SIAH3: variants seen among roughly 807,000 people sequenced by gnomAD.
SIAH3 encodes the protein seven in absentia homolog 3.
In SIAH3, 9 loss-of-function variants were observed where a neutral mutation model predicts 12.6. The ratio of observed to expected loss-of-function variants is 0.72; its 90% CI spans 0.43 to 1.25. The LOEUF (loss-of-function observed/expected upper bound fraction) is 1.25. SIAH3 is among the 50% of genes most tolerant of loss of function. The pLI, the probability that SIAH3 is intolerant of heterozygous loss-of-function variation, is 0.00. For missense variants in SIAH3, 390 were observed against 365.4 expected (o/e 1.07, Z -0.55); for synonymous variants, 154 against 151.1 (o/e 1.02, Z -0.14).
intron 1 of SIAH3, among the ~76,000 whole-genome samples, chr13:45,785,999 A>G (rs1240783961): frequency 1.3e-5 from 2 of 152,228 alleles, no homozygotes; most frequent in African/African-American, 4.8e-5. Flanking sequence ...GGTATTTTTA[A>G]AATAATTATT....
At chr13:45,813,924 T>A (rs144944734) in intron 1 of SIAH3, among the ~76,000 whole-genome samples, 1 of 152,150 alleles carries the variant, frequency 6.6e-6, no homozygotes, top group East Asian at 1.9e-4. Flanking sequence ...TTTCAATATA[T>A]GAATCTTGGG....
intron 1 of SIAH3, among the ~76,000 whole-genome samples, chr13:45,845,842 C>G (rs2137586118): frequency 6.6e-6 from 1 of 152,078 alleles, no homozygotes; most frequent in East Asian, 1.9e-4. Context: ...AGGATGATGA[C>G]TTAGAAGCTC....
intron 1 of SIAH3, among the ~76,000 whole-genome samples, chr13:45,794,871 T>A (rs1950557401): frequency 6.6e-6 from 1 of 152,052 alleles, no homozygotes; most frequent in Non-Finnish European, 1.5e-5. Context: ...TCTAGGATCA[T>A]GTATGAATAA....
rs369108269 is a variant in SIAH3 at position 45,783,973 on chromosome 13, G to A, written c.220C>T (p.His74Tyr). 3.7e-5 allele frequency: 60 copies of A among 1,605,202 alleles called. No individual in the cohort carries two copies. Among genetic ancestry groups the A allele is most frequent in the South Asian group, 2.4e-4 (21 of 89,192 alleles). ...HPHHLSHHHCHHRHHHHLRHH... is the reference protein window; with the variant it reads ...HPHHLSHHHCYHRHHHHLRHH... ...CGGAGGTGGTGGTGGTGGCGGTGGT[G>A]GCAGTGGTGGTGGGAGAGATGGTGA... The change falls in exon 2 of 2, where the codon CAC becomes TAC. Residue 74 changes from histidine to tyrosine, a missense_variant. By Grantham distance (83) the His-to-Tyr change is moderately conservative (BLOSUM62 2). Transcript: ENST00000400405.
At chr13:45,816,298 C>T (rs1950634233) in intron 1 of SIAH3, among the ~76,000 whole-genome samples, 1 of 152,208 alleles carries the variant, frequency 6.6e-6, no homozygotes, top group Non-Finnish European at 1.5e-5. Context: ...GAATGGTACC[C>T]TTGAGGCCCT....
In SIAH3 at chr13:45,783,537, C is replaced by T. The variant is rs563820499; in HGVS notation, c.656G>A (p.Arg219Gln). The part of the protein sequence containing the change: ...HRRLKWEATP[R>Q]SVLECVDSVI... ...CGAGTCCACGCACTCAAGAACAGAC[C>T]GGGGCGTGGCCTCCCACTTGAGGCG... Residue 219 changes from arginine (R) to glutamine (Q), a missense_variant, in exon 2 of 2, where the codon CGG (arginine) becomes CAG (glutamine). Arg to Gln is a conservative substitution (Grantham distance 43). Transcript: ENST00000400405. 37 of 1,614,080 alleles carry T rather than the reference C, an allele frequency of 2.3e-5. No homozygotes were observed. The highest frequency in any genetic ancestry group is 2.8e-5 in the Non-Finnish European group (33 of 1,180,044).
intron 1 of SIAH3, among the ~76,000 whole-genome samples, chr13:45,843,192 G>C (rs1346152654): frequency 6.6e-6 from 1 of 152,036 alleles, no homozygotes; most frequent in Non-Finnish European, 1.5e-5. Context: ...AGCCTAGACT[G>C]AGCATCATCC....
intron 1 of SIAH3, among the ~76,000 whole-genome samples, chr13:45,795,387 A>G (rs1220094473): frequency 6.6e-6 from 1 of 152,188 alleles, no homozygotes; most frequent in Non-Finnish European, 1.5e-5. Flanking sequence ...CAGACCTGCT[A>G]ATCTGTGACA....
intron 1 of SIAH3, among the ~76,000 whole-genome samples, chr13:45,799,247 G>C (rs1333331284): frequency 6.6e-6 from 1 of 152,136 alleles, no homozygotes; most frequent in East Asian, 1.9e-4. Flanking sequence ...TGGAGATATG[G>C]GTCCAGGTCT....
intron 1 of SIAH3, among the ~76,000 whole-genome samples, chr13:45,792,869 G>A (rs998126269): frequency 2.6e-5 from 4 of 152,126 alleles, no homozygotes; most frequent in Admixed American, 6.5e-5. Context: ...TTTCATCTGC[G>A]GGGTTTTGAG....
intron 1 of SIAH3, among the ~76,000 whole-genome samples, chr13:45,826,369 A>ATGGGTGGGTAGG (rs369495671): frequency 9.9e-5 from 8 of 80,800 alleles, no homozygotes; most frequent in African/African-American, 1.6e-4. Flanking sequence ...GGATGGATGG[A>ATGGGTGGGTAGG]TGGATGAATG....
intron 1 of SIAH3, among the ~76,000 whole-genome samples, chr13:45,840,118 C>T (rs772379274): frequency 8.6e-5 from 13 of 152,030 alleles, no homozygotes; most frequent in Non-Finnish European, 1.5e-4. Flanking sequence ...ATTAGCTGTG[C>T]GTGGTGGTGT....
chr13:45,817,222 CTA>C (rs1230155233), intron 1 of SIAH3, among the ~76,000 whole-genome samples: 2 of 152,188 alleles, frequency 1.3e-5, no homozygotes, highest in East Asian at 3.8e-4. Flanking sequence ...TGTATCTTTT[CTA>C]TGTTTAGATA....
At chr13:45,801,870 G>T (rs1370291921) in intron 1 of SIAH3, among the ~76,000 whole-genome samples, 1 of 152,206 alleles carries the variant, frequency 6.6e-6, no homozygotes, top group African/African-American at 2.4e-5. Flanking sequence ...AGATATCAAG[G>T]GGCAGCAGGG....
intron 1 of SIAH3, among the ~76,000 whole-genome samples, chr13:45,840,527 G>C (rs2137582865): frequency 6.6e-6 from 1 of 152,328 alleles, no homozygotes. Context: ...CTGAGATAAT[G>C]ATTTGGATGC....
intron 1 of SIAH3, among the ~76,000 whole-genome samples, chr13:45,846,735 T>C (rs969706676): frequency 6.6e-6 from 1 of 152,152 alleles, no homozygotes; most frequent in African/African-American, 2.4e-5. Context: ...TTCCACCAAA[T>C]TTGCTTCGGG....
Position 45,778,702 on chromosome 13 carries a change from A to G in SIAH3, c.*4681T>C, listed in dbSNP as rs1950492989. On this transcript the variant is annotated 3_prime_UTR_variant, in exon 2 of 2. Coordinates refer to ENST00000400405, the MANE Select transcript of SIAH3 (RefSeq NM_198849.3). ...AACCCTCTGTATCCACATGTTCCAC[A>G]CCTGTGGATTCCACCAACTGTGAAT... The G allele has an allele frequency of 2.0e-5, 3 of 152,122 alleles. 1 individual carries two copies. Among genetic ancestry groups the G allele is most frequent in the Admixed American group, 2.0e-4 (3 of 15,262 alleles). The allele number at this position is 152,122 out of a possible 1,614,324, so 9.4% of individuals were successfully genotyped here. A position where few individuals can be genotyped will look rare whatever the true frequency, so the allele number is the denominator to read the frequency against.
chr13:45,791,947 G>A (rs113750726), intron 1 of SIAH3, among the ~76,000 whole-genome samples: 1 of 152,112 alleles, frequency 6.6e-6, no homozygotes, highest in Non-Finnish European at 1.5e-5. Context: ...CAATCACCAG[G>A]AGGTAACTTT....
intron 1 of SIAH3, among the ~76,000 whole-genome samples, chr13:45,846,929 A>C (rs895985516): frequency 6.6e-6 from 1 of 152,228 alleles, no homozygotes; most frequent in African/African-American, 2.4e-5. Flanking sequence ...AAGCCGCACG[A>C]ATGCTCTGAG....
Sources: allele counts gnomAD v4.1 joint callset (sites outside exome capture counted in the v4.1 genomes callset), GRCh38; gene constraint gnomAD v4.1.1; transcripts MANE v1.5; gene names NCBI Gene and HGNC (gene_info 2026-07-23, HGNC 2026-07-21).